ERI3: variants seen among roughly 807,000 people sequenced by gnomAD.
The protein encoded by ERI3 is ERI1 exoribonuclease family member 3, also known as ERI1 exoribonuclease 3.
ERI3 carries 18 observed loss-of-function variants against 44.4 expected under a neutral mutation model. The observed-to-expected ratio is 0.41, with a 90% CI of 0.28 to 0.60. ERI3 has a LOEUF of 0.60. Among genes scored for constraint, ERI3 ranks in the 20% least tolerant of loss-of-function variants. The pLI, the probability that ERI3 is intolerant of heterozygous loss-of-function variation, is 0.36. For synonymous variants in ERI3, 183 were observed against 164.8 expected, an observed-to-expected ratio of 1.11 and a Z score of -0.84; for missense variants, 294 against 435.5, an observed-to-expected ratio of 0.68 and a Z score of 2.89.
chr1:44,355,208 GC>G lies in ERI3; in HGVS notation c.-183del, dbSNP rs1231867853. On this transcript the variant is annotated 5_prime_UTR_variant, in exon 1 of 9. Coordinates refer to ENST00000372257, the MANE Select transcript of ERI3 (RefSeq NM_024066.3). ...GCCCGCTCCCCACCGCCCGTTCCCG[GC>G]CGCCTGAACAGCGGCAGCCAGCACC... The G allele has an allele frequency of 8.4e-6, 10 of 1,193,122 alleles. No homozygotes were observed. Among genetic ancestry groups the G allele is most frequent in the African/African-American group, 1.6e-5 (1 of 63,030 alleles). The allele number at this position is 1,193,122 out of a possible 1,614,324, so 73.9% of individuals were successfully genotyped here. A position where few individuals can be genotyped will look rare whatever the true frequency, so the allele number is the denominator to read the frequency against.
intron 6 of ERI3, among the ~76,000 whole-genome samples, chr1:44,287,457 G>C (rs1645416816): frequency 6.6e-6 from 1 of 152,180 alleles, no homozygotes; most frequent in South Asian, 2.1e-4. Flanking sequence ...TGTATAGTAA[G>C]GATTTACTTT....
At chr1:44,267,323 G>C (rs1645008744) in intron 7 of ERI3, among the ~76,000 whole-genome samples, 1 of 152,050 alleles carries the variant, frequency 6.6e-6, no homozygotes, top group Admixed American at 6.5e-5. Context: ...CATCCTTCTG[G>C]TTAGGAGAGC....
chr1:44,319,631 T>C lies in ERI3; in HGVS notation c.603A>G (p.Thr201=). Residue 201 remains threonine, a synonymous_variant, in exon 4 of 9, where the codon ACA becomes ACG. Transcript: ENST00000372257. ...VVHPQLTPFC[T]ELTGIIQAMV... ...TGCCCACTTCCAGGGCCCTTACCTC[T>C]GTACAGAATGGGGTAAGCTGTGGAT... 1 of 1,610,816 alleles carries C rather than the reference T, an allele frequency of 6.2e-7. No individual in the cohort carries two copies.
chr1:44,320,707 T>C (rs1401215863), intron 3 of ERI3, among the ~76,000 whole-genome samples: 2 of 152,212 alleles, frequency 1.3e-5, no homozygotes, highest in Admixed American at 6.5e-5. Flanking sequence ...TTTTACCACT[T>C]TGACATTTTT....
chr1:44,347,259 C>T (rs1646803375), intron 2 of ERI3, among the ~76,000 whole-genome samples: 1 of 152,172 alleles, frequency 6.6e-6, no homozygotes, highest in Non-Finnish European at 1.5e-5. Flanking sequence ...ATCATCCTAA[C>T]TAGTTTTCAT....
intron 7 of ERI3, among the ~76,000 whole-genome samples, chr1:44,259,902 G>GATAGATAGAT (rs1186064552): frequency 1.3e-5 from 2 of 148,738 alleles, no homozygotes; most frequent in Non-Finnish European, 3.0e-5. Flanking sequence ...TAGATAGATA[G>GATAGATAGAT]ATAGATAGAT....
intron 6 of ERI3, among the ~76,000 whole-genome samples, chr1:44,285,443 T>TA (rs1379126862): frequency 6.6e-6 from 1 of 152,138 alleles, no homozygotes; most frequent in East Asian, 1.9e-4. Flanking sequence ...GTATATGACT[T>TA]AGAGATAGAT....
chr1:44,237,710 C>T (rs1431393061), intron 8 of ERI3, among the ~76,000 whole-genome samples: 1 of 152,118 alleles, frequency 6.6e-6, no homozygotes, highest in Non-Finnish European at 1.5e-5. Context: ...AGGGCAGAGG[C>T]CTCACTGTGC....
chr1:44,281,351 G>C (rs912746856), intron 7 of ERI3, among the ~76,000 whole-genome samples: 1 of 152,002 alleles, frequency 6.6e-6, no homozygotes, highest in African/African-American at 2.4e-5. Flanking sequence ...ACTTTGGGAG[G>C]CTGAAGAGGG....
chr1:44,222,332 T>C (rs539265949), intron 8 of ERI3, among the ~76,000 whole-genome samples: 6 of 152,346 alleles, frequency 3.9e-5, no homozygotes, highest in South Asian at 2.1e-4. Context: ...GCCTTGGCCA[T>C]CAGCCGTCTA....
At position 44,226,778 on chromosome 1, in the gene ERI3, A is replaced by AACACACACACACACACACAC. The variant is rs60011057; in HGVS notation, c.932-5158_932-5139dup. On this transcript the variant is annotated intron_variant, in intron 8 of 8. Coordinates refer to ENST00000372257, the MANE Select transcript of ERI3 (RefSeq NM_024066.3). The stretch of plus-strand genomic sequence containing the variant: ...TTGCTTCTCTATCTCAGCATTATTA[A>AACACACACACACACACACAC]ACACACACACACACACACACACACA... 7.2e-4 allele frequency among the ~76,000 whole-genome samples: 103 copies of AACACACACACACACACACAC among 143,372 alleles called. 3 individuals carry two copies. The highest frequency in any genetic ancestry group is 1.0e-3 in the African/African-American group (39 of 38,118). The allele number at this position is 143,372 out of a possible 152,430, so 94.1% of individuals were successfully genotyped here.
At chr1:44,277,681 T>C (rs999661912) in intron 7 of ERI3, among the ~76,000 whole-genome samples, 5 of 152,232 alleles carry the variant, frequency 3.3e-5, no homozygotes, top group African/African-American at 1.2e-4. Flanking sequence ...TCTTGGTTTC[T>C]GCAATACCAC....
intron 8 of ERI3, among the ~76,000 whole-genome samples, chr1:44,226,778 AAC>A (rs60011057): frequency 0.047 from 6,717 of 143,318 alleles, 205 homozygotes; most frequent in Admixed American, 0.077. Flanking sequence ...AGCATTATTA[AAC>A]ACACACACAC....
chr1:44,284,984 A>ACAGAG, intron 6 of ERI3, 77 bp from the exon 7 acceptor site: 1 of 1,231,244 alleles, frequency 8.1e-7, no homozygotes. Context: ...GGGAAGTCCA[A>ACAGAG]CAGAGCATAC....
At chr1:44,314,298 G>C (rs1185245791) in intron 4 of ERI3, among the ~76,000 whole-genome samples, 1 of 152,140 alleles carries the variant, frequency 6.6e-6, no homozygotes, top group Admixed American at 6.5e-5. Context: ...ACCTTTTAGG[G>C]AGAAATTTTC....
chr1:44,222,902 G>T (rs1643937456), intron 8 of ERI3, among the ~76,000 whole-genome samples: 2 of 152,252 alleles, frequency 1.3e-5, no homozygotes, highest in African/African-American at 4.8e-5. Flanking sequence ...TGCATGTCAA[G>T]GCCCACTTTT....
chr1:44,276,859 A>C (rs1243231608), intron 7 of ERI3, among the ~76,000 whole-genome samples: 1 of 152,160 alleles, frequency 6.6e-6, no homozygotes, highest in African/African-American at 2.4e-5. Flanking sequence ...GAATGAATCT[A>C]AATGTCTACT....
chr1:44,260,348 T>C (rs71653909), intron 7 of ERI3, among the ~76,000 whole-genome samples: 7,418 of 152,240 alleles, frequency 0.049, 236 homozygotes, highest in South Asian at 0.11. Flanking sequence ...CAGGCAGCAA[T>C]TGGTTGGCTG....
chr1:44,332,087 G>T (rs758797110), intron 3 of ERI3, among the ~76,000 whole-genome samples: 2 of 152,148 alleles, frequency 1.3e-5, no homozygotes, highest in Non-Finnish European at 2.9e-5. Context: ...ACTATCCAAA[G>T]AGTAAAAAGA....
Sources: allele counts gnomAD v4.1 joint callset (sites outside exome capture counted in the v4.1 genomes callset), GRCh38; gene constraint gnomAD v4.1.1; transcripts MANE v1.5; gene names NCBI Gene and HGNC (gene_info 2026-07-23, HGNC 2026-07-21).